PCDH9: variants seen among roughly 807,000 people sequenced by gnomAD.
PCDH9 encodes the protein protocadherin 9.
In PCDH9, 24 loss-of-function variants were observed where a neutral mutation model predicts 70.6. That is an observed-to-expected ratio of 0.34 (90% CI 0.25 to 0.48). PCDH9 has a LOEUF of 0.48. PCDH9 is among the 20% of genes least tolerant of loss of function. The pLI is 0.99. For synonymous variants in PCDH9, 562 were observed against 558.5 expected, an observed-to-expected ratio of 1.01 and a Z score of -0.09; for missense variants, 1,281 against 1,503.6, an observed-to-expected ratio of 0.85 and a Z score of 2.45.
chr13:66,804,327 C>T (rs2080377297), intron 3 of PCDH9, among the ~76,000 whole-genome samples: 1 of 152,118 alleles, frequency 6.6e-6, no homozygotes, highest in South Asian at 2.1e-4. Context: ...TCCACAGTCA[C>T]ACACATGTGA....
intron 3 of PCDH9, among the ~76,000 whole-genome samples, chr13:66,718,690 A>G (rs1222743608): frequency 6.6e-6 from 1 of 152,238 alleles, no homozygotes; most frequent in Non-Finnish European, 1.5e-5. Context: ...GGGAACAACC[A>G]AAATGGTTCA....
intron 4 of PCDH9, among the ~76,000 whole-genome samples, chr13:66,563,505 C>T (rs1409593405): frequency 6.6e-6 from 1 of 152,142 alleles, no homozygotes; most frequent in Non-Finnish European, 1.5e-5. Flanking sequence ...CTGCTTTAAA[C>T]TTCACAATGG....
At chr13:66,777,327 A>G (rs1264669073) in intron 3 of PCDH9, among the ~76,000 whole-genome samples, 3 of 150,498 alleles carry the variant, frequency 2.0e-5, no homozygotes, top group Non-Finnish European at 4.5e-5. Context: ...AGAAACTACC[A>G]TCAGAGTGAA....
intron 2 of PCDH9, among the ~76,000 whole-genome samples, chr13:67,176,817 T>C (rs1370420081): frequency 6.6e-6 from 1 of 152,102 alleles, no homozygotes; most frequent in Non-Finnish European, 1.5e-5. Context: ...ACCCTCCCTC[T>C]AAAAATCTAT....
chr13:66,556,362 C>A (rs964004989), intron 4 of PCDH9, among the ~76,000 whole-genome samples: 1 of 152,044 alleles, frequency 6.6e-6, no homozygotes, highest in Non-Finnish European at 1.5e-5. Flanking sequence ...AATAGTTTGC[C>A]ATCCTCATGT....
At chr13:66,879,758 G>A (rs1335215487) in intron 3 of PCDH9, among the ~76,000 whole-genome samples, 2 of 152,020 alleles carry the variant, frequency 1.3e-5, no homozygotes, top group South Asian at 2.1e-4. Flanking sequence ...TCTCAAAAAC[G>A]CATTTGTAAG....
intron 3 of PCDH9, among the ~76,000 whole-genome samples, chr13:66,799,068 G>A (rs1028475954): frequency 2.6e-5 from 4 of 152,078 alleles, no homozygotes; most frequent in Non-Finnish European, 5.9e-5. Flanking sequence ...GCCTGCCTCG[G>A]CTGCCCAAAG....
At chr13:66,822,618 TG>T (rs141164168) in intron 3 of PCDH9, among the ~76,000 whole-genome samples, 3,122 of 151,294 alleles carry the variant, frequency 0.021, 123 homozygotes, top group African/African-American at 0.07. Flanking sequence ...CCTCTCCTCC[TG>T]GGTTCAAGGG....
At chr13:67,202,825 T>C (rs921566788) in intron 2 of PCDH9, 10 of 152,214 alleles carry the variant, frequency 6.6e-5, no homozygotes, top group African/African-American at 2.4e-4. Context: ...AGGGTGTTCA[T>C]TTTGTCCATA....
chr13:67,056,688 A>C (rs9540984), intron 2 of PCDH9, among the ~76,000 whole-genome samples: 15,476 of 152,154 alleles, frequency 0.1, 855 homozygotes, highest in Non-Finnish European at 0.12. Context: ...CAAAGTGAGG[A>C]TAAAAATGGT....
chr13:66,856,439 C>A (rs898143717), intron 3 of PCDH9, among the ~76,000 whole-genome samples: 2 of 151,970 alleles, frequency 1.3e-5, no homozygotes, highest in Admixed American at 6.6e-5. Context: ...AGGTTATCAA[C>A]CACAATAAAT....
At chr13:66,926,321 C>T (rs528648933) in intron 2 of PCDH9, among the ~76,000 whole-genome samples, 30 of 152,046 alleles carry the variant, frequency 2.0e-4, no homozygotes, top group African/African-American at 7.0e-4. Context: ...AGCTGCAATG[C>T]CCTGTGTGGA....
At chr13:66,529,438 A>T (rs1214100391) in intron 4 of PCDH9, among the ~76,000 whole-genome samples, 1 of 152,002 alleles carries the variant, frequency 6.6e-6, no homozygotes, top group Non-Finnish European at 1.5e-5. Context: ...TTTTATTACT[A>T]TTTGTATGAA....
At chr13:66,406,439 A>G (rs974978709) in intron 4 of PCDH9, among the ~76,000 whole-genome samples, 6 of 152,152 alleles carry the variant, frequency 3.9e-5, no homozygotes, top group African/African-American at 7.2e-5. Context: ...CACATCAAGC[A>G]TTACTGACAA....
intron 2 of PCDH9, among the ~76,000 whole-genome samples, chr13:66,908,278 T>C (rs2082397657): frequency 6.6e-6 from 1 of 152,210 alleles, no homozygotes; most frequent in African/African-American, 2.4e-5. Flanking sequence ...TTGTTTCATT[T>C]ATGTACTGGC....
chr13:66,314,339 G>A (rs748042781), intron 4 of PCDH9, among the ~76,000 whole-genome samples: 18 of 152,120 alleles, frequency 1.2e-4, no homozygotes, highest in Non-Finnish European at 2.4e-4. Flanking sequence ...ATTCTGAATC[G>A]GTAGGTTTGG....
At chr13:66,778,137 TGGGGGGA>T (rs1447538331) in intron 3 of PCDH9, among the ~76,000 whole-genome samples, 1 of 56,130 alleles carries the variant, frequency 1.8e-5, no homozygotes, top group Non-Finnish European at 3.3e-5. Flanking sequence ...TGTTGTGGGG[TGGGGGGA>T]GGGGGGAGGT....
In PCDH9 at chr13:66,774,797, GTCC is replaced by G. The variant is rs2079864495; in HGVS notation, c.3138+128704_3138+128706del. On this transcript the variant is annotated intron_variant, in intron 3 of 4. Coordinates refer to ENST00000377865, the MANE Select transcript of PCDH9 (RefSeq NM_203487.3). ...ATTGTGCATAATTACAATTATCCCT[GTCC>G]TCCTAACTTTTTGCCAGTGTTCACA... 2.6e-5 allele frequency among the ~76,000 whole-genome samples: 4 copies of G among 152,252 alleles called. No individual in the cohort carries two copies. The South Asian group carries it at 6.2e-4, about 24-fold the overall frequency.
intron 4 of PCDH9, among the ~76,000 whole-genome samples, chr13:66,603,811 A>G (rs2077191042): frequency 6.6e-6 from 1 of 151,998 alleles, no homozygotes; most frequent in Non-Finnish European, 1.5e-5. Context: ...TTATGTAATT[A>G]TGCAGTCTAA....
Sources: allele counts gnomAD v4.1 joint callset (sites outside exome capture counted in the v4.1 genomes callset), GRCh38; gene constraint gnomAD v4.1.1; transcripts MANE v1.5; gene names NCBI Gene and HGNC (gene_info 2026-07-23, HGNC 2026-07-21).